The following ST18 variants were observed in gnomAD, a reference collection of about 807,000 sequenced individuals.
ST18 encodes ST18 C2H2C-type zinc finger transcription factor.
ST18 carries 50 observed loss-of-function variants against 110.0 expected under a neutral mutation model. The observed-to-expected ratio is 0.45, with a 90% CI of 0.36 to 0.58. The LOEUF (loss-of-function observed/expected upper bound fraction) is 0.58, where lower values mean the gene tolerates loss of function less well. Among genes scored for constraint, ST18 ranks in the 20% least tolerant of loss-of-function variants. ST18 has a pLI of 0.00. For missense variants in ST18, 1,306 were observed against 1,280.1 expected (o/e 1.02, Z -0.31); for synonymous variants, 461 against 452.4 (o/e 1.02, Z -0.24).
chr8:52,138,987 T>A (rs550100714), intron 17 of ST18, among the ~76,000 whole-genome samples: 1 of 152,332 alleles, frequency 6.6e-6, no homozygotes, highest in Admixed American at 6.5e-5. Context: ...AAAGAAACTA[T>A]AAGAGTTAGA....
At chr8:52,403,109 C>A (rs929094182) in intron 2 of ST18, among the ~76,000 whole-genome samples, 2 of 152,108 alleles carry the variant, frequency 1.3e-5, no homozygotes, top group Admixed American at 6.5e-5. Context: ...GGCACAGTAG[C>A]AACTTGGATG....
rs563374753 is a variant in ST18 at position 52,225,443 on chromosome 8, T to C, written c.-418-3650A>G. On this transcript the variant is annotated intron_variant, in intron 3 of 25. Coordinates refer to ENST00000689386, the MANE Select transcript of ST18 (RefSeq NM_001352837.2). The stretch of plus-strand genomic sequence containing the variant: ...GATCATGGACCAGCGAAATGGTTAA[T>C]GCAAATGGATTTATAATTTGCTTTG... Among the ~76,000 whole-genome samples the C allele has an allele frequency of 1.5e-4, 23 of 152,348 alleles. No individual in the cohort carries two copies. The South Asian group carries it at 4.6e-3, about 30-fold the overall frequency.
At chr8:52,388,068 G>C (rs1215668733) in intron 2 of ST18, among the ~76,000 whole-genome samples, 1 of 151,020 alleles carries the variant, frequency 6.6e-6, no homozygotes, top group Admixed American at 6.7e-5. Context: ...ATTCAATATA[G>C]ATACAGTCAG....
chr8:52,308,373 C>G (rs962182627), intron 2 of ST18, among the ~76,000 whole-genome samples: 1 of 152,196 alleles, frequency 6.6e-6, no homozygotes, highest in Non-Finnish European at 1.5e-5. Flanking sequence ...CAAAATAACT[C>G]TGTGAATTTG....
chr8:52,385,316 G>A (rs902454005), intron 2 of ST18, among the ~76,000 whole-genome samples: 4 of 152,092 alleles, frequency 2.6e-5, no homozygotes, highest in African/African-American at 7.2e-5. Context: ...GAGATGAAAC[G>A]ACAAAGCACA....
At chr8:52,231,720 C>A (rs564086680) in intron 2 of ST18, among the ~76,000 whole-genome samples, 8 of 152,174 alleles carry the variant, frequency 5.3e-5, no homozygotes, top group African/African-American at 1.9e-4. Flanking sequence ...CGTGATCCGC[C>A]AGCCGCGGCC....
intron 2 of ST18, chr8:52,407,432 G>C (rs1844897523): frequency 6.8e-6 from 1 of 146,904 alleles, no homozygotes; most frequent in African/African-American, 2.5e-5. Flanking sequence ...CCACGAATCT[G>C]AATTTGTGAT....
intron 12 of ST18, 106 bp downstream of exon 12, chr8:52,165,029 G>A: frequency 9.5e-7 from 1 of 1,050,746 alleles, no homozygotes; most frequent in Non-Finnish European, 1.5e-6. Flanking sequence ...ATATTGGACA[G>A]TGATGCAGCA....
At chr8:52,378,049 T>C (rs182406552) in intron 2 of ST18, among the ~76,000 whole-genome samples, 18 of 152,242 alleles carry the variant, frequency 1.2e-4, no homozygotes, top group African/African-American at 3.9e-4. Context: ...TCGTGGGAGA[T>C]AAAAATTTGT....
intron 2 of ST18, among the ~76,000 whole-genome samples, chr8:52,330,515 G>A (rs1435076067): frequency 6.6e-6 from 1 of 150,744 alleles, no homozygotes; most frequent in Non-Finnish European, 1.5e-5. Flanking sequence ...AGGAGATAAA[G>A]GAAAAATAAA....
chr8:52,253,862 C>T (rs542981136), intron 2 of ST18, among the ~76,000 whole-genome samples: 56 of 152,034 alleles, frequency 3.7e-4, no homozygotes, highest in African/African-American at 1.1e-3. Flanking sequence ...TGAACAAAGG[C>T]GATACTGGTG....
chr8:52,359,687 C>A (rs935179661), intron 2 of ST18, among the ~76,000 whole-genome samples: 5 of 152,098 alleles, frequency 3.3e-5, no homozygotes, highest in Admixed American at 2.0e-4. Context: ...GGATTTTAAT[C>A]CAAAGAGTCT....
chr8:52,258,869 G>C (rs954552141), intron 2 of ST18, among the ~76,000 whole-genome samples: 2 of 152,146 alleles, frequency 1.3e-5, no homozygotes, highest in Non-Finnish European at 1.5e-5. Flanking sequence ...TGAAAGCTCA[G>C]CTTAAAAGCA....
chr8:52,218,493 T>C (rs1476716552), intron 5 of ST18, among the ~76,000 whole-genome samples: 1 of 151,184 alleles, frequency 6.6e-6, no homozygotes, highest in East Asian at 1.9e-4. Flanking sequence ...GTTCAAGCGG[T>C]TCTCCTGCCT....
intron 8 of ST18, among the ~76,000 whole-genome samples, chr8:52,187,862 T>C (rs923920809): frequency 6.6e-5 from 10 of 152,214 alleles, no homozygotes; most frequent in Admixed American, 6.5e-5. Context: ...TCTAAAACAA[T>C]TGCAATCTAT....
intron 2 of ST18, among the ~76,000 whole-genome samples, chr8:52,351,530 C>T (rs770370899): frequency 6.6e-6 from 1 of 152,216 alleles, no homozygotes; most frequent in African/African-American, 2.4e-5. Context: ...ACTGAACTCT[C>T]ATGACATAAC....
chr8:52,185,855 T>C (rs2071902787), intron 8 of ST18, among the ~76,000 whole-genome samples: 1 of 152,154 alleles, frequency 6.6e-6, no homozygotes. Context: ...TGAGATAATA[T>C]CTTCACGACC....
At chr8:52,216,595 T>C (rs2084320705) in intron 6 of ST18, among the ~76,000 whole-genome samples, 1 of 152,128 alleles carries the variant, frequency 6.6e-6, no homozygotes, top group South Asian at 2.1e-4. Context: ...TGGGGCTCAT[T>C]GGGGAATAAG....
chr8:52,328,256 A>G (rs1807404942), intron 2 of ST18, among the ~76,000 whole-genome samples: 1 of 152,214 alleles, frequency 6.6e-6, no homozygotes, highest in Non-Finnish European at 1.5e-5. Flanking sequence ...CTAGAGTAAT[A>G]GGACCAGAAT....
Sources: allele counts gnomAD v4.1 joint callset (sites outside exome capture counted in the v4.1 genomes callset), GRCh38; gene constraint gnomAD v4.1.1; transcripts MANE v1.5; gene names NCBI Gene and HGNC (gene_info 2026-07-23, HGNC 2026-07-21).